BIRC6: variants seen among roughly 807,000 people sequenced by gnomAD.
BIRC6 encodes the protein baculoviral IAP repeat containing 6, also known as dual E2 ubiquitin-conjugating enzyme/E3 ubiquitin-protein ligase BIRC6.
BIRC6 carries 98 observed loss-of-function variants against 503.3 expected under a neutral mutation model. That is an observed-to-expected ratio of 0.19 (90% CI 0.17 to 0.23). The LOEUF is 0.23. BIRC6 is among the 10% of genes least tolerant of loss of function. The pLI is 1.00. For synonymous variants in BIRC6, 2,240 were observed against 2,078.7 expected (o/e 1.08, Z -2.11); for missense variants, 5,360 against 5,806.0 (o/e 0.92, Z 2.50).
intron 12 of BIRC6, among the ~76,000 whole-genome samples, chr2:32,431,757 A>G (rs532072915): frequency 1.3e-5 from 2 of 152,358 alleles, no homozygotes; most frequent in East Asian, 3.9e-4. Context: ...TATTTAATAA[A>G]AGCAGGCACT....
chr2:32,591,288 C>T (rs2151350373), intron 66 of BIRC6, among the ~76,000 whole-genome samples: 1 of 152,280 alleles, frequency 6.6e-6, no homozygotes, highest in South Asian at 2.1e-4. Context: ...ATTTCTTTCA[C>T]ACATTTGATG....
intron 23 of BIRC6, among the ~76,000 whole-genome samples, chr2:32,459,187 C>A (rs559833966): frequency 6.6e-6 from 1 of 152,130 alleles, no homozygotes; most frequent in African/African-American, 2.4e-5. Context: ...CATCCATTAG[C>A]GTTTTCTCCC....
At chr2:32,430,310 T>C (rs1158725079) in intron 11 of BIRC6, among the ~76,000 whole-genome samples, 1 of 152,240 alleles carries the variant, frequency 6.6e-6, no homozygotes, top group East Asian at 1.9e-4. Flanking sequence ...TGAAGCACGT[T>C]ATTACTCTTA....
chr2:32,603,128 T>A (rs2062179431), intron 71 of BIRC6, 45 bp downstream of exon 71: 2 of 1,503,556 alleles, frequency 1.3e-6, no homozygotes, highest in East Asian at 4.6e-5. Context: ...AATAAAGAAC[T>A]GTGTAGTATT....
At chr2:32,600,009 T>A in intron 70 of BIRC6, 109 bp downstream of exon 70, 1 of 977,730 alleles carries the variant, frequency 1.0e-6, no homozygotes, top group Non-Finnish European at 1.5e-6. Flanking sequence ...GGCATGGGTT[T>A]CTTTGTACTT....
intron 60 of BIRC6, among the ~76,000 whole-genome samples, chr2:32,531,134 A>G (rs189666241): frequency 9.1e-4 from 139 of 152,302 alleles, no homozygotes; most frequent in African/African-American, 3.3e-3. Flanking sequence ...CTACTAGTCC[A>G]TGAACCATTC....
At chr2:32,535,532 C>T (rs2057157990) in intron 61 of BIRC6, among the ~76,000 whole-genome samples, 1 of 152,142 alleles carries the variant, frequency 6.6e-6, no homozygotes, top group Non-Finnish European at 1.5e-5. Context: ...TCAATTCCCA[C>T]CTATGAGTGA....
At chr2:32,487,368 A>G (rs1053467958) in intron 40 of BIRC6, among the ~76,000 whole-genome samples, 2 of 152,080 alleles carry the variant, frequency 1.3e-5, no homozygotes, top group Admixed American at 6.6e-5. Context: ...TATTAATTGG[A>G]AAAAAATGCA....
intron 65 of BIRC6, among the ~76,000 whole-genome samples, chr2:32,573,175 C>A (rs920196878): frequency 1.3e-5 from 2 of 152,114 alleles, no homozygotes; most frequent in Non-Finnish European, 2.9e-5. Flanking sequence ...CCCAGCCTGT[C>A]CAGCAACAGG....
chr2:32,433,553 CA>C, intron 12 of BIRC6, 90 bp from the exon 13 acceptor site: 1 of 1,201,516 alleles, frequency 8.3e-7, no homozygotes, highest in Non-Finnish European at 1.1e-6. Context: ...AGCTGCAAAG[CA>C]AAAAGTAGGA....
At chr2:32,590,595 T>C (rs1424696237) in intron 66 of BIRC6, among the ~76,000 whole-genome samples, 1 of 152,210 alleles carries the variant, frequency 6.6e-6, no homozygotes, top group Non-Finnish European at 1.5e-5. Context: ...TCAATATAAT[T>C]GAATGTTGAG....
intron 1 of BIRC6, among the ~76,000 whole-genome samples, chr2:32,366,785 C>A (rs1165363181): frequency 1.3e-5 from 2 of 151,608 alleles, no homozygotes; most frequent in African/African-American, 4.8e-5. Context: ...GAGTTTGAGA[C>A]CAGCCTGGGC....
At chr2:32,512,489 A>T (rs1166392779) in intron 53 of BIRC6, among the ~76,000 whole-genome samples, 1 of 152,212 alleles carries the variant, frequency 6.6e-6, no homozygotes, top group African/African-American at 2.4e-5. Context: ...ATGCAGAGAA[A>T]ATAAATTAAG....
At position 32,357,567 on chromosome 2, in the gene BIRC6, G is replaced by A; in HGVS notation, c.325+81G>A. On this transcript the variant is annotated intron_variant, in intron 1 of 73. Transcript: ENST00000421745. The surrounding 1 kb of genome is among the most constrained non-coding windows in gnomAD (Gnocchi z 4.9). Reference sequence around the variant, plus strand: ...CCGGGGCTCGGCCTCGCGACTCGGGGAAGCGAGATGGCGAGAGGGCAGGGC... The same window carrying A: ...CCGGGGCTCGGCCTCGCGACTCGGGAAAGCGAGATGGCGAGAGGGCAGGGC... 2 of 1,501,686 alleles carry A rather than the reference G, an allele frequency of 1.3e-6. No homozygotes were observed. The highest frequency in any genetic ancestry group is 1.8e-6 in the Non-Finnish European group (2 of 1,130,766). The allele number at this position is 1,501,686 out of a possible 1,614,324, so 93.0% of individuals were successfully genotyped here.
chr2:32,414,790 C>T lies in BIRC6; in HGVS notation c.1499C>T (p.Ala500Val). 6.2e-7 allele frequency: 1 copy of T among 1,612,782 alleles called. No homozygotes were observed. Among genetic ancestry groups the T allele is most frequent in the Non-Finnish European group, 8.5e-7 (1 of 1,179,048 alleles). The change falls in exon 10 of 74, where the codon GCC (alanine) becomes GTC (valine). Residue 500 changes from alanine (A) to valine (V), a missense_variant. By Grantham distance (64) the Ala-to-Val change is moderately conservative (BLOSUM62 0). Around this residue, in one of 16 missense-constraint regions of BIRC6, gnomAD observed 700 missense variants for 739.3 expected, o/e 0.95. Coordinates refer to ENST00000421745, the MANE Select transcript of BIRC6 (RefSeq NM_016252.4). ...SVTGHTSQKE[A>V]MEVSLDITAL... ...AAAGGGCATACATCACAGAAGGAAG[C>T]CATGGAAGTAAGCCTTGATATAACA... is the stretch of plus-strand genomic sequence containing the variant.
chr2:32,385,381 A>G (rs2038287012), intron 3 of BIRC6, among the ~76,000 whole-genome samples: 1 of 152,220 alleles, frequency 6.6e-6, no homozygotes, highest in African/African-American at 2.4e-5. Flanking sequence ...TTTATAAAAC[A>G]CTTGATGAAG....
At chr2:32,499,499 A>ACC in intron 45 of BIRC6, 48 bp from the exon 46 acceptor site, 2 of 1,236,276 alleles carry the variant, frequency 1.6e-6, no homozygotes, top group South Asian at 3.3e-5. Context: ...CTCTTGTTGT[A>ACC]TCTCTCTCTC....
In BIRC6 at chr2:32,444,730, C is replaced by T. The variant is rs557316809; in HGVS notation, c.4337-791C>T. On this transcript the variant is annotated intron_variant, in intron 20 of 73. Coordinates refer to ENST00000421745, the MANE Select transcript of BIRC6 (RefSeq NM_016252.4). Reference sequence around the variant, plus strand: ...AGTTACCTCAGTGAGTTATATATTTCATAAAGATTTCATCTTTGTGTTAAA... The same window carrying T: ...AGTTACCTCAGTGAGTTATATATTTTATAAAGATTTCATCTTTGTGTTAAA... Among the ~76,000 whole-genome samples, 54 of 152,208 alleles carry T rather than the reference C, an allele frequency of 3.5e-4. 1 individual carries two copies. In the South Asian group the frequency reaches 5.0e-3, roughly 14 times the overall value.
chr2:32,493,621 T>G lies in BIRC6; in HGVS notation c.8422T>G (p.Phe2808Val). ...VHLSSTCPQI[F>V]SEFLLKLIHI... is the part of the protein sequence containing the mutation. ...TCTTTCTTCAACATGTCCTCAGATA[T>G]TCAGTGAATTTTTGCTCAAGCTAAT... The change falls in exon 45 of 74, where the codon TTC becomes GTC. Residue 2808 changes from phenylalanine to valine, a missense_variant. Physicochemically the swap from Phe to Val is conservative, Grantham distance 50 (BLOSUM62 -1). Coordinates refer to ENST00000421745, the MANE Select transcript of BIRC6 (RefSeq NM_016252.4). 3 of 1,608,852 alleles carry G rather than the reference T, an allele frequency of 1.9e-6. No individual in the cohort carries two copies. The highest frequency in any genetic ancestry group is 2.5e-6 in the Non-Finnish European group (3 of 1,176,536).
Sources: allele counts gnomAD v4.1 joint callset (sites outside exome capture counted in the v4.1 genomes callset), GRCh38; gene constraint gnomAD v4.1.1; regional missense constraint gnomAD v4.1.1; non-coding constraint Gnocchi (gnomAD v3.1); transcripts MANE v1.5; gene names NCBI Gene and HGNC (gene_info 2026-07-23, HGNC 2026-07-21).